PNKD: variants seen among roughly 807,000 people sequenced by gnomAD.
PNKD encodes probable thioesterase PNKD.
In PNKD, 36 loss-of-function variants were observed where a neutral mutation model predicts 45.3. The observed-to-expected ratio is 0.80, with a 90% CI of 0.61 to 1.05. The LOEUF (loss-of-function observed/expected upper bound fraction) is 1.05, where lower values mean the gene tolerates loss of function less well. PNKD is among the 50% of genes least tolerant of loss of function. The pLI, the probability that PNKD is intolerant of heterozygous loss-of-function variation, is 0.00. For synonymous variants in PNKD, 197 were observed against 210.1 expected (o/e 0.94, Z 0.54); for missense variants, 511 against 506.6 (o/e 1.01, Z -0.08).
intron 2 of PNKD, among the ~76,000 whole-genome samples, chr2:218,311,390 C>T (rs190183076): frequency 1.2e-3 from 182 of 152,292 alleles, no homozygotes; most frequent in Non-Finnish European, 2.3e-3. Context: ...ACAGAGGACC[C>T]GCACCGGTGC....
At chr2:218,290,702 A>T (rs550731135) in intron 2 of PNKD, among the ~76,000 whole-genome samples, 1 of 152,180 alleles carries the variant, frequency 6.6e-6, no homozygotes, top group Non-Finnish European at 1.5e-5. Context: ...GCTCATTAAT[A>T]TCTCCCTTCC....
chr2:218,339,584 T>C (rs1021090064), intron 2 of PNKD, among the ~76,000 whole-genome samples, 199 bp from the exon 3 acceptor site: 5 of 152,150 alleles, frequency 3.3e-5, no homozygotes, highest in African/African-American at 1.2e-4. Context: ...TTTTGAGTTC[T>C]AGGTGTGTCC....
chr2:218,293,641 A>G (rs1217378701), intron 2 of PNKD, among the ~76,000 whole-genome samples: 1 of 132,370 alleles, frequency 7.6e-6, no homozygotes, highest in Non-Finnish European at 1.5e-5. Flanking sequence ...GCTGGAGTGC[A>G]GTGGCGCCAT....
chr2:218,272,548 G>A (rs370894207), intron 2 of PNKD: 29 of 1,612,626 alleles, frequency 1.8e-5, no homozygotes, highest in South Asian at 5.5e-5. Flanking sequence ...CCCAAACCCC[G>A]TGCACATCTC....
chr2:218,279,814 C>T (rs1691684632), intron 2 of PNKD, among the ~76,000 whole-genome samples: 1 of 150,360 alleles, frequency 6.7e-6, no homozygotes, highest in African/African-American at 2.4e-5. Flanking sequence ...TGTGTCCTCC[C>T]AAAACATGGT....
chr2:218,287,734 G>A (rs893698390), intron 2 of PNKD, among the ~76,000 whole-genome samples: 1 of 151,708 alleles, frequency 6.6e-6, no homozygotes, highest in Non-Finnish European at 1.5e-5. Context: ...GCCAGCCCTC[G>A]ACTTCTGGCC....
Position 218,339,859 on chromosome 2 carries a change from C to A in PNKD, c.313C>A (p.Pro105Thr). The change falls in exon 3 of 10, where the codon CCT becomes ACT. Residue 105 changes from proline to threonine, a missense_variant. Coordinates refer to ENST00000273077, the MANE Select transcript of PNKD (RefSeq NM_015488.5). ...GCTGCGCAGGGCTCGGAATCGCTAC[C>A]CTAAAGGCCACTCGAAAACCCAGCC... The part of the protein sequence containing the change: ...QQLRRARNRY[P>T]KGHSKTQPRL... The A allele has an allele frequency of 6.2e-7, 1 of 1,611,812 alleles. No individual in the cohort carries two copies. Among genetic ancestry groups the A allele is most frequent in the Non-Finnish European group, 8.5e-7 (1 of 1,178,996 alleles).
At chr2:218,328,640 C>T (rs1355917179) in intron 2 of PNKD, among the ~76,000 whole-genome samples, 1 of 152,190 alleles carries the variant, frequency 6.6e-6, no homozygotes, top group African/African-American at 2.4e-5. Flanking sequence ...ATGCACCTCC[C>T]TCAAACCTTG....
At chr2:218,320,728 C>T (rs1326756004) in intron 2 of PNKD, among the ~76,000 whole-genome samples, 1 of 152,224 alleles carries the variant, frequency 6.6e-6, no homozygotes, top group Non-Finnish European at 1.5e-5. Context: ...GCACTCCACG[C>T]AGAAGGCACA....
At chr2:218,310,592 C>CTTTTT (rs58558174) in intron 2 of PNKD, among the ~76,000 whole-genome samples, 4 of 115,742 alleles carry the variant, frequency 3.5e-5, no homozygotes, top group African/African-American at 6.9e-5. Flanking sequence ...TGCTTTATTG[C>CTTTTT]TTTTTTTTTT....
In PNKD at chr2:218,275,758, G is replaced by T. The variant is rs541878161; in HGVS notation, c.236+4209G>T. ...CATTAACGCACAGCATAACATATGG[G>T]CTCTATACTGTAGCTGCTCACAGTC... is the stretch of plus-strand genomic sequence containing the variant. On this transcript the variant is annotated intron_variant, in intron 2 of 9. Coordinates refer to ENST00000273077, the MANE Select transcript of PNKD (RefSeq NM_015488.5). 3.5e-5 allele frequency: 38 copies of T among 1,097,998 alleles called. No homozygotes were observed. In the East Asian group the frequency reaches 8.6e-4, roughly 25 times the overall value. 68.0% of individuals were successfully genotyped at this position (1,097,998 alleles called of 1,614,324 possible).
rs766464557 is a variant in PNKD at position 218,276,122 on chromosome 2, A to C, written c.236+4573A>C. On this transcript the variant is annotated intron_variant, in intron 2 of 9. Coordinates refer to ENST00000273077, the MANE Select transcript of PNKD (RefSeq NM_015488.5). ...AGAGAATGGCATTAGAAACCTCAGC[A>C]AACCACAGGCCCACAGGCCCCAGCT... 1.3e-5 allele frequency: 21 copies of C among 1,601,538 alleles called. No individual in the cohort carries two copies. The Middle Eastern group carries it at 5.0e-4, about 38-fold the overall frequency.
chr2:218,329,597 T>C (rs529682278), intron 2 of PNKD, among the ~76,000 whole-genome samples: 63 of 152,282 alleles, frequency 4.1e-4, no homozygotes, highest in African/African-American at 1.2e-3. Context: ...CTGTGAAGTC[T>C]GGGGAAGAAC....
At chr2:218,343,211 G>A (rs920092856) in intron 7 of PNKD, among the ~76,000 whole-genome samples, 1 of 152,220 alleles carries the variant, frequency 6.6e-6, no homozygotes, top group African/African-American at 2.4e-5. Context: ...GGAAAGAGCA[G>A]CCCTGCGTCT....
intron 2 of PNKD, among the ~76,000 whole-genome samples, chr2:218,301,180 A>C (rs960828560): frequency 5.3e-5 from 8 of 152,226 alleles, no homozygotes; most frequent in Admixed American, 1.3e-4. Context: ...TAAAATTAAA[A>C]ATTCAGTTTT....
intron 3 of PNKD, 45 bp downstream of exon 3, chr2:218,339,943 C>T (rs771634715): frequency 4.3e-5 from 64 of 1,476,246 alleles, no homozygotes; most frequent in Non-Finnish European, 5.7e-5. Flanking sequence ...TCTGTGCCCC[C>T]ACCCTCCCCG....
intron 2 of PNKD, among the ~76,000 whole-genome samples, chr2:218,282,966 G>A (rs996937391): frequency 2.0e-5 from 3 of 152,334 alleles, no homozygotes; most frequent in African/African-American, 7.2e-5. Flanking sequence ...CTAGGGAAGA[G>A]AGAGTGAGTG....
intron 2 of PNKD, chr2:218,281,874 GGT>G (rs1338515508): frequency 8.0e-7 from 1 of 1,255,252 alleles, no homozygotes; most frequent in Admixed American, 2.1e-5. Flanking sequence ...GGCAGGAGGC[GGT>G]GGCCTCATCT....
intron 2 of PNKD, chr2:218,281,814 T>C: frequency 2.4e-6 from 2 of 846,900 alleles, no homozygotes; most frequent in Non-Finnish European, 3.8e-6. Flanking sequence ...GGGAGAGATC[T>C]CAACAGAGAA....
Sources: allele counts gnomAD v4.1 joint callset (sites outside exome capture counted in the v4.1 genomes callset), GRCh38; gene constraint gnomAD v4.1.1; transcripts MANE v1.5; gene names NCBI Gene and HGNC (gene_info 2026-07-23, HGNC 2026-07-21).